TNIK: variants seen among roughly 807,000 people sequenced by gnomAD.
The protein encoded by TNIK is TRAF2 and NCK-interacting protein kinase.
TNIK carries 49 observed loss-of-function variants against 191.3 expected under a neutral mutation model. The ratio of observed to expected loss-of-function variants is 0.26; its 90% confidence interval spans 0.20 to 0.32. TNIK has a LOEUF of 0.32. Among genes scored for constraint, TNIK ranks in the 10% least tolerant of loss-of-function variants. The pLI, the probability that TNIK is intolerant of heterozygous loss-of-function variation, is 1.00. For synonymous variants in TNIK, 594 were observed against 600.9 expected, an observed-to-expected ratio of 0.99 and a Z score of 0.17; for missense variants, 1,155 against 1,702.3, an observed-to-expected ratio of 0.68 and a Z score of 5.66.
At chr3:171,128,271 G>A (rs187183928) in intron 16 of TNIK, among the ~76,000 whole-genome samples, 8 of 152,278 alleles carry the variant, frequency 5.3e-5, no homozygotes, top group Admixed American at 4.6e-4. Flanking sequence ...GAGAACCACT[G>A]GCTTAGAAGA....
At chr3:171,433,986 C>A (rs1397077608) in intron 1 of TNIK, among the ~76,000 whole-genome samples, 1 of 142,300 alleles carries the variant, frequency 7.0e-6, no homozygotes, top group Non-Finnish European at 1.5e-5. Flanking sequence ...CACTCTGACA[C>A]CCAGGCTGGA....
chr3:171,364,701 A>G (rs1715450092), intron 2 of TNIK, among the ~76,000 whole-genome samples: 1 of 152,228 alleles, frequency 6.6e-6, no homozygotes, highest in South Asian at 2.1e-4. Context: ...AAAGCAGGTT[A>G]ATGTAATAAA....
chr3:171,058,687 A>G lies in TNIK; in HGVS notation c.*5194T>C, dbSNP rs1403642152. On this transcript the variant is annotated 3_prime_UTR_variant, in exon 33 of 33. Transcript: ENST00000436636. ...TTTAGCAAATGTTTGACAATTTAAAATACTTTTGAAAACTGGAGATTTAAA... is the reference window on the plus strand; with the variant it reads ...TTTAGCAAATGTTTGACAATTTAAAGTACTTTTGAAAACTGGAGATTTAAA... 3.9e-5 allele frequency among the ~76,000 whole-genome samples: 6 copies of G among 152,338 alleles called. No individual in the cohort carries two copies. In the South Asian group the frequency reaches 1.0e-3, roughly 26 times the overall value.
chr3:171,427,203 C>T (rs1256169648), intron 1 of TNIK, among the ~76,000 whole-genome samples: 2 of 152,162 alleles, frequency 1.3e-5, no homozygotes, highest in Non-Finnish European at 2.9e-5. Context: ...TCCTGCCCTC[C>T]TGAAATCCCC....
chr3:171,256,221 A>G (rs1046925390), intron 2 of TNIK, among the ~76,000 whole-genome samples: 1 of 152,054 alleles, frequency 6.6e-6, no homozygotes, highest in Non-Finnish European at 1.5e-5. Flanking sequence ...TTCACTATGC[A>G]TGGGAACAGA....
intron 7 of TNIK, among the ~76,000 whole-genome samples, chr3:171,187,636 G>A (rs537796120): frequency 1.4e-4 from 22 of 152,198 alleles, no homozygotes; most frequent in South Asian, 6.2e-4. Flanking sequence ...ACATTACAGA[G>A]GAGCAAGGTA....
chr3:171,127,388 AT>A (rs1458558104), intron 16 of TNIK, among the ~76,000 whole-genome samples: 6 of 152,032 alleles, frequency 3.9e-5, no homozygotes, highest in Admixed American at 2.6e-4. Flanking sequence ...ATTTAAAAAA[AT>A]ATCTAGTATA....
chr3:171,367,168 CTACAG>C (rs1715844029), intron 2 of TNIK, among the ~76,000 whole-genome samples: 1 of 152,106 alleles, frequency 6.6e-6, no homozygotes, highest in Non-Finnish European at 1.5e-5. Context: ...CTATTTATAC[CTACAG>C]TATTTTAGAA....
At chr3:171,385,137 T>C (rs1280255527) in intron 1 of TNIK, among the ~76,000 whole-genome samples, 1 of 151,910 alleles carries the variant, frequency 6.6e-6, no homozygotes, top group Non-Finnish European at 1.5e-5. Flanking sequence ...GGTTTGAGGA[T>C]GGAGTTTTAG....
chr3:171,128,706 G>C lies in TNIK; in HGVS notation c.1773+8C>G, dbSNP rs758491376. The C allele has an allele frequency of 1.2e-6, 2 of 1,606,806 alleles. No individual in the cohort carries two copies. The highest frequency in any genetic ancestry group is 4.5e-5 in the East Asian group (2 of 44,786). The stretch of plus-strand genomic sequence containing the variant: ...TGGAATGCCTGATGGAATGGAGGCA[G>C]ACTGTACCTGGGGATCGACTGGTCT... On this transcript the variant is annotated splice_region_variant and intron_variant, in intron 16 of 32. Coordinates refer to ENST00000436636, the MANE Select transcript of TNIK (RefSeq NM_015028.4).
At chr3:171,125,181 G>A (rs1373793273) in intron 17 of TNIK, among the ~76,000 whole-genome samples, 3 of 152,146 alleles carry the variant, frequency 2.0e-5, no homozygotes, top group Non-Finnish European at 2.9e-5. Flanking sequence ...GGATTCCTGA[G>A]CCAGGAAGAA....
At chr3:171,243,379 T>C (rs938194073) in intron 2 of TNIK, among the ~76,000 whole-genome samples, 2 of 151,942 alleles carry the variant, frequency 1.3e-5, no homozygotes, top group African/African-American at 2.4e-5. Flanking sequence ...AAAGGTCTTA[T>C]GAAGAAAATC....
chr3:171,148,349 A>G (rs1731928338), intron 12 of TNIK, among the ~76,000 whole-genome samples: 1 of 152,224 alleles, frequency 6.6e-6, no homozygotes, highest in Non-Finnish European at 1.5e-5. Context: ...CATGGATGCT[A>G]GTCAATGTGA....
intron 18 of TNIK, among the ~76,000 whole-genome samples, chr3:171,114,181 G>A (rs983692684): frequency 1.3e-5 from 2 of 152,134 alleles, no homozygotes; most frequent in Admixed American, 6.5e-5. Context: ...ATGCTGAGAA[G>A]AGAAACATCT....
intron 12 of TNIK, among the ~76,000 whole-genome samples, chr3:171,153,608 T>G (rs1453714715): frequency 6.6e-6 from 1 of 152,224 alleles, no homozygotes; most frequent in Non-Finnish European, 1.5e-5. Flanking sequence ...TCTTGCTTCT[T>G]TCCAGCACCA....
chr3:171,157,968 G>A (rs759694669), intron 11 of TNIK, among the ~76,000 whole-genome samples: 32 of 152,148 alleles, frequency 2.1e-4, no homozygotes, highest in East Asian at 5.8e-4. Context: ...TCCTTGGGAC[G>A]TGGCAAAGAT....
intron 21 of TNIK, 90 bp from the exon 22 acceptor site, chr3:171,101,723 A>G: frequency 7.4e-7 from 1 of 1,342,656 alleles, no homozygotes; most frequent in South Asian, 1.4e-5. Context: ...TTAAGCAACA[A>G]GAAAAAAAAA....
intron 3 of TNIK, among the ~76,000 whole-genome samples, chr3:171,219,663 A>C (rs1742040495): frequency 6.6e-6 from 1 of 152,198 alleles, no homozygotes; most frequent in East Asian, 1.9e-4. Context: ...ACTGGTCATT[A>C]GAGAAATGCA....
At chr3:171,459,935 C>T in intron 1 of TNIK, 72 bp downstream of exon 1, 1 of 1,491,276 alleles carries the variant, frequency 6.7e-7, no homozygotes, top group Non-Finnish European at 9.2e-7. Context: ...AGCCCCAGCC[C>T]CCAGTCCACG....
Sources: allele counts gnomAD v4.1 joint callset (sites outside exome capture counted in the v4.1 genomes callset), GRCh38; gene constraint gnomAD v4.1.1; transcripts MANE v1.5; gene names NCBI Gene and HGNC (gene_info 2026-07-23, HGNC 2026-07-21).